ADGRL2: variants seen among roughly 807,000 people sequenced by gnomAD.
ADGRL2 encodes the protein adhesion G protein-coupled receptor L2.
In ADGRL2, 44 loss-of-function variants were observed where a neutral mutation model predicts 157.4. That is an observed-to-expected ratio of 0.28 (90% CI 0.22 to 0.36). ADGRL2 has a LOEUF of 0.36. Ranked by LOEUF, ADGRL2 falls within the 10% of genes least tolerant of loss-of-function variation. The probability of loss-of-function intolerance (pLI) is 1.00; values close to 1 mark genes in which losing one functional copy is unlikely to be tolerated. For missense variants in ADGRL2, 1,510 were observed against 1,768.9 expected, an observed-to-expected ratio of 0.85 and a Z score of 2.63; for synonymous variants, 585 against 624.7, an observed-to-expected ratio of 0.94 and a Z score of 0.95.
intron 1 of ADGRL2, among the ~76,000 whole-genome samples, chr1:81,728,904 T>C (rs1342114822): frequency 1.3e-5 from 2 of 152,068 alleles, no homozygotes; most frequent in African/African-American, 4.8e-5. Flanking sequence ...ACTGTCCTTC[T>C]TCTCCAGCCC....
In ADGRL2 at chr1:81,449,803, C is replaced by T. The variant is rs775892412; in HGVS notation, c.-248+4714C>T. On this transcript the variant is annotated intron_variant, in intron 2 of 24. Transcript: ENST00000370721. Reference sequence around the variant, plus strand: ...ACAAGGTTTCACCATGTTGCCCAGGCTGGTCTCAAACTCCTGGGCTCAAGC... The same window carrying T: ...ACAAGGTTTCACCATGTTGCCCAGGTTGGTCTCAAACTCCTGGGCTCAAGC... 4.4e-4 allele frequency among the ~76,000 whole-genome samples: 67 copies of T among 152,210 alleles called. 1 individual carries two copies. The Middle Eastern group carries it at 0.01, about 23-fold the overall frequency.
chr1:81,950,421 A>C lies in ADGRL2; in HGVS notation c.1443A>C (p.Ile481=). Reference sequence around the variant, plus strand: ...GTGAAGCATTAGACTCCAAGGGGATAAAGTGGCCTCAGACACAAAGGGGAA... The same window carrying C: ...GTGAAGCATTAGACTCCAAGGGGATCAAGTGGCCTCAGACACAAAGGGGAA... The part of the protein sequence containing the change: ...RFCEALDSKG[I]KWPQTQRGMM... The change falls in exon 7 of 24, where the codon ATA becomes ATC. Residue 481 remains isoleucine (I), a synonymous_variant. Coordinates refer to ENST00000686636, the MANE Select transcript of ADGRL2 (RefSeq NM_001366006.2). 1 of 1,614,036 alleles carries C rather than the reference A, an allele frequency of 6.2e-7. No individual in the cohort carries two copies.
chr1:81,753,243 A>AG (rs1268814831), intron 1 of ADGRL2, among the ~76,000 whole-genome samples: 5 of 152,252 alleles, frequency 3.3e-5, no homozygotes, highest in Non-Finnish European at 7.3e-5. Flanking sequence ...TCATGGCAGA[A>AG]GGCAAGAAGG....
intron 3 of ADGRL2, chr1:81,586,047 C>T (rs1438029673): frequency 6.6e-6 from 1 of 151,750 alleles, no homozygotes. Flanking sequence ...ACTAATTTAC[C>T]TTTTTTTAAT....
At chr1:81,338,744 T>A (rs1311113085) in intron 1 of ADGRL2, among the ~76,000 whole-genome samples, 1 of 152,138 alleles carries the variant, frequency 6.6e-6, no homozygotes, top group African/African-American at 2.4e-5. Context: ...ATGAGGAAAT[T>A]GAGACACAGA....
intron 3 of ADGRL2, among the ~76,000 whole-genome samples, chr1:81,646,280 G>A (rs1023334927): frequency 6.6e-6 from 1 of 152,148 alleles, no homozygotes; most frequent in Non-Finnish European, 1.5e-5. Context: ...CAGAATAAGA[G>A]AGTGTACCAG....
At chr1:81,450,373 C>T (rs1234863415) in intron 2 of ADGRL2, among the ~76,000 whole-genome samples, 1 of 152,070 alleles carries the variant, frequency 6.6e-6, no homozygotes, top group African/African-American at 2.4e-5. Context: ...CTGTTATATG[C>T]TTTAATTTAT....
chr1:81,641,449 G>A (rs2082217067), intron 3 of ADGRL2, among the ~76,000 whole-genome samples: 1 of 152,122 alleles, frequency 6.6e-6, no homozygotes, highest in African/African-American at 2.4e-5. Flanking sequence ...AACAAATTAT[G>A]AGAATAAAGA....
chr1:81,888,841 T>C (rs1419873768), intron 2 of ADGRL2, among the ~76,000 whole-genome samples: 1 of 152,226 alleles, frequency 6.6e-6, no homozygotes, highest in Admixed American at 6.5e-5. Context: ...GCTCACTTCA[T>C]GTGTCTGTGT....
In ADGRL2 at chr1:81,979,922, C is replaced by G. The variant is rs1189425590; in HGVS notation, c.3075C>G (p.Asn1025Lys). ...TGTGCAAAATGGTGAAGCATTCAAA[C>G]ACTTTGAAACCAGATTCTAGCAGGT... ...ITLCKMVKHSNTLKPDSSRLE... is the reference protein window; with the variant it reads ...ITLCKMVKHSKTLKPDSSRLE... Residue 1025 changes from asparagine to lysine, a missense_variant, in exon 18 of 24, where the codon AAC becomes AAG. By Grantham distance (94) the Asn-to-Lys change is moderately conservative. Transcript: ENST00000686636. 12 of 1,607,116 alleles carry G rather than the reference C, an allele frequency of 7.5e-6. No homozygotes were observed. In the Admixed American group the frequency reaches 2.0e-4, roughly 27 times the overall value.
At chr1:81,972,917 A>AC (rs1337312893) in intron 17 of ADGRL2, among the ~76,000 whole-genome samples, 2 of 134,134 alleles carry the variant, frequency 1.5e-5, no homozygotes, top group Non-Finnish European at 3.3e-5. Flanking sequence ...GTCTTAAAAA[A>AC]AAAAAAAAAA....
At chr1:81,763,093 AAAGAATGGG>A (rs1456975674) in intron 2 of ADGRL2, among the ~76,000 whole-genome samples, 3 of 151,800 alleles carry the variant, frequency 2.0e-5, no homozygotes, top group African/African-American at 7.3e-5. Flanking sequence ...AAGGTACACA[AAAGAATGGG>A]AATATAAGTA....
chr1:81,406,214 C>A (rs1472551151), intron 1 of ADGRL2, among the ~76,000 whole-genome samples: 1 of 152,096 alleles, frequency 6.6e-6, no homozygotes, highest in Non-Finnish European at 1.5e-5. Context: ...CAGTGCAAAT[C>A]ACAGACCCTC....
intron 1 of ADGRL2, among the ~76,000 whole-genome samples, chr1:81,311,182 G>A (rs1348132971): frequency 1.3e-5 from 2 of 152,116 alleles, no homozygotes; most frequent in African/African-American, 4.8e-5. Context: ...TAGATAAGAC[G>A]TACATTTTGG....
intron 1 of ADGRL2, among the ~76,000 whole-genome samples, chr1:81,417,301 T>A (rs4611071): frequency 0.47 from 71,481 of 151,556 alleles, 17,362 homozygotes; most frequent in Non-Finnish European, 0.53. Flanking sequence ...ATGTGACTCC[T>A]AATTGGTAAA....
chr1:81,980,657 G>C, intron 18 of ADGRL2: 1 of 453,964 alleles, frequency 2.2e-6, no homozygotes. Context: ...TATAGTAAGG[G>C]TAAATTTTTT....
chr1:81,624,418 T>C (rs1470777261), intron 3 of ADGRL2, among the ~76,000 whole-genome samples: 2 of 151,826 alleles, frequency 1.3e-5, no homozygotes, highest in South Asian at 2.1e-4. Context: ...CCATCCCTAC[T>C]AAAAATACAA....
At chr1:81,966,352 T>A in intron 12 of ADGRL2, 52 bp from the exon 13 acceptor site, 3 of 1,560,678 alleles carry the variant, frequency 1.9e-6, no homozygotes, top group Non-Finnish European at 2.6e-6. Context: ...TTATCTTAGT[T>A]TATTAACAAG....
chr1:81,496,942 G>A (rs942174737), intron 2 of ADGRL2, among the ~76,000 whole-genome samples: 5 of 151,946 alleles, frequency 3.3e-5, no homozygotes, highest in African/African-American at 1.2e-4. Flanking sequence ...CTTTCTACCT[G>A]ATTATTTTTT....
Sources: gnomAD v4.1 joint callset for allele counts (sites outside exome capture counted in the v4.1 genomes callset) on GRCh38, gnomAD v4.1.1 for gene constraint, MANE v1.5 for transcripts, NCBI Gene and HGNC (gene_info 2026-07-23, HGNC 2026-07-21) for gene names.